Variants in STXBP4 observed in about 807,000 individuals in gnomAD.
STXBP4 encodes the protein syntaxin binding protein 4.
Under a neutral mutation model 76.1 loss-of-function variants are expected in STXBP4, and 55 were observed. The observed-to-expected ratio is 0.72, with a 90% confidence interval of 0.58 to 0.91. The LOEUF (loss-of-function observed/expected upper bound fraction) is 0.91, where lower values mean the gene tolerates loss of function less well. Ranked by LOEUF, STXBP4 falls within the 40% of genes least tolerant of loss-of-function variation. The pLI is 0.00. For missense variants in STXBP4, 618 were observed against 636.9 expected, an observed-to-expected ratio of 0.97 and a Z score of 0.32; for synonymous variants, 201 against 220.2, an observed-to-expected ratio of 0.91 and a Z score of 0.77.
chr17:55,185,174 T>TTTCTTCTTCTTTTC, the STXBP4 span, among the ~76,000 whole-genome samples: 2 of 146,884 alleles, frequency 1.4e-5, no homozygotes, highest in African/African-American at 5.0e-5. Context: ...TGGCCACTAT[T>TTTCTTCTTCTTTTC]TTCTTCTTCT....
chr17:55,138,503 A>G (rs559963962), intron 16 of STXBP4, among the ~76,000 whole-genome samples: 7 of 152,246 alleles, frequency 4.6e-5, no homozygotes, highest in Non-Finnish European at 8.8e-5. Flanking sequence ...CATCACTGTG[A>G]AGTTATTGAT....
At chr17:55,134,119 G>A (rs2080001471) in intron 16 of STXBP4, among the ~76,000 whole-genome samples, 1 of 152,086 alleles carries the variant, frequency 6.6e-6, no homozygotes, top group South Asian at 2.1e-4. Flanking sequence ...GAAGTTTTGA[G>A]TAAGTAAGAT....
chr17:55,073,904 C>A lies in STXBP4; in HGVS notation c.1188+828C>A, dbSNP rs1486097821. On this transcript the variant is annotated intron_variant, in intron 13 of 17. Coordinates refer to ENST00000376352, the MANE Select transcript of STXBP4 (RefSeq NM_178509.6). ...TCGGCCTTCCAAAGTGCTGGGATTACAGGCATGAGCCACCACGCCTGGACA... is the reference window on the plus strand; with the variant it reads ...TCGGCCTTCCAAAGTGCTGGGATTAAAGGCATGAGCCACCACGCCTGGACA... Among the ~76,000 whole-genome samples the A allele has an allele frequency of 2.6e-5, 4 of 152,164 alleles. No homozygotes were observed. In the East Asian group the frequency reaches 7.7e-4, roughly 29 times the overall value.
intron 8 of STXBP4, among the ~76,000 whole-genome samples, chr17:55,021,842 G>A (rs1415200252): frequency 2.0e-5 from 3 of 152,072 alleles, no homozygotes; most frequent in African/African-American, 7.2e-5. Flanking sequence ...AAACGAAAAT[G>A]ACTCAAGAAT....
chr17:55,202,128 A>G, the STXBP4 span, among the ~76,000 whole-genome samples: 2 of 151,976 alleles, frequency 1.3e-5, no homozygotes, highest in Non-Finnish European at 2.9e-5. Context: ...TGCCAGAGTC[A>G]ATTCACAAGC....
intron 13 of STXBP4, among the ~76,000 whole-genome samples, chr17:55,076,138 A>G (rs924065624): frequency 2.6e-5 from 4 of 152,130 alleles, no homozygotes; most frequent in Admixed American, 6.6e-5. Context: ...TTTTCACTCT[A>G]TGGTAAAATG....
chr17:55,078,173 A>C lies in STXBP4; in HGVS notation c.1284A>C (p.Glu428Asp), dbSNP rs200922512. ...MARKTFEAST[E>D]KLLHFVEAIQ... ...GAAAAACTTTTGAGGCATCCACTGA[A>C]AAGCTTCTTCATTTTGTAGAGGTAA... Residue 428 changes from glutamate to aspartate, a missense_variant, in exon 14 of 18, where the codon GAA (glutamate) becomes GAC (aspartate). Glu to Asp is a conservative substitution (Grantham distance 45). Transcript: ENST00000376352. The C allele has an allele frequency of 1.2e-6, 2 of 1,611,106 alleles. No homozygotes were observed. The highest frequency in any genetic ancestry group is 1.7e-6 in the Non-Finnish European group (2 of 1,178,598).
Position 54,990,872 on chromosome 17 carries a change from G to A in STXBP4, c.95G>A (p.Gly32Asp). ...ACAATTGCCAAGGAAACAGGCCTTG[G>A]CCTGAAGGTACTAGGAGGAATTAAC... ...MITIAKETGL[G>D]LKVLGGINRN... Residue 32 changes from glycine (G) to aspartate (D), a missense_variant, in exon 4 of 18, where the codon GGC (glycine) becomes GAC (aspartate). Gly to Asp is a moderately conservative substitution (Grantham distance 94). Transcript: ENST00000376352. The A allele has an allele frequency of 3.1e-6, 5 of 1,604,322 alleles. No homozygotes were observed. Among genetic ancestry groups the A allele is most frequent in the Non-Finnish European group, 4.2e-6 (5 of 1,176,866 alleles).
intron 17 of STXBP4, among the ~76,000 whole-genome samples, chr17:55,153,956 G>C (rs1177582474): frequency 6.6e-6 from 1 of 152,122 alleles, no homozygotes; most frequent in East Asian, 1.9e-4. Context: ...TATTGAGAAA[G>C]TAGTAGTCAT....
intron 12 of STXBP4, among the ~76,000 whole-genome samples, chr17:55,051,536 A>T (rs1387863664): frequency 6.6e-6 from 1 of 152,112 alleles, no homozygotes; most frequent in African/African-American, 2.4e-5. Context: ...AAATGTGTTC[A>T]TTGTTGTTGA....
chr17:55,182,891 GACA>G, the STXBP4 span, among the ~76,000 whole-genome samples: 1 of 151,992 alleles, frequency 6.6e-6, no homozygotes, highest in South Asian at 2.1e-4. Context: ...AACTTTTTTA[GACA>G]ACAAAAGTCA....
chr17:55,059,763 TA>T (rs2078972821), intron 12 of STXBP4, among the ~76,000 whole-genome samples: 1 of 152,126 alleles, frequency 6.6e-6, no homozygotes, highest in African/African-American at 2.4e-5. Context: ...GTTTACACCT[TA>T]AAATTTGAGA....
At chr17:55,040,203 G>A (rs557366040) in intron 10 of STXBP4, among the ~76,000 whole-genome samples, 1 of 152,124 alleles carries the variant, frequency 6.6e-6, no homozygotes, top group Non-Finnish European at 1.5e-5. Context: ...TAACAAAGAA[G>A]AAAGTTGGTG....
chr17:55,017,495 C>T (rs903619202), intron 8 of STXBP4, among the ~76,000 whole-genome samples: 1 of 152,184 alleles, frequency 6.6e-6, no homozygotes, highest in Admixed American at 6.5e-5. Flanking sequence ...AAATGAAAGT[C>T]TGAATCATTA....
the STXBP4 span, among the ~76,000 whole-genome samples, chr17:55,191,914 C>T: frequency 1.3e-5 from 2 of 152,140 alleles, no homozygotes; most frequent in Admixed American, 6.5e-5. Flanking sequence ...ACAAATTGTA[C>T]GTTTCCACAA....
intron 16 of STXBP4, among the ~76,000 whole-genome samples, chr17:55,087,481 T>C (rs2079351545): frequency 6.6e-6 from 1 of 152,182 alleles, no homozygotes; most frequent in African/African-American, 2.4e-5. Flanking sequence ...TATCCAGTTT[T>C]TCCAGTACCG....
chr17:55,006,623 G>A (rs771396998), intron 7 of STXBP4, among the ~76,000 whole-genome samples: 1 of 152,118 alleles, frequency 6.6e-6, no homozygotes, highest in African/African-American at 2.4e-5. Context: ...AATAATCAGG[G>A]TATATTGAGA....
chr17:55,094,293 T>G (rs2079455580), intron 16 of STXBP4, among the ~76,000 whole-genome samples: 1 of 152,014 alleles, frequency 6.6e-6, no homozygotes, highest in Non-Finnish European at 1.5e-5. Context: ...CTAAGGAGTT[T>G]GGATTTTATT....
intron 9 of STXBP4, among the ~76,000 whole-genome samples, chr17:55,032,715 A>G (rs2078531002): frequency 6.6e-6 from 1 of 152,176 alleles, no homozygotes; most frequent in Non-Finnish European, 1.5e-5. Context: ...GCCAGCTGCA[A>G]GGGAGTTTGT....
Sources: gnomAD v4.1 joint callset for allele counts (sites outside exome capture counted in the v4.1 genomes callset) on GRCh38, gnomAD v4.1.1 for gene constraint, MANE v1.5 for transcripts, NCBI Gene and HGNC (gene_info 2026-07-23, HGNC 2026-07-21) for gene names.